PPP2R2B: variants seen among roughly 807,000 people sequenced by gnomAD.
PPP2R2B encodes the protein serine/threonine-protein phosphatase 2A 55 kDa regulatory subunit B beta isoform.
A neutral mutation model predicts 46.0 loss-of-function variants in PPP2R2B; 5 were observed. The ratio of observed to expected loss-of-function variants is 0.11; its 90% CI spans 0.06 to 0.23. The LOEUF is 0.23. Ranked by LOEUF, PPP2R2B falls within the 10% of genes least tolerant of loss-of-function variation. The probability of loss-of-function intolerance (pLI) is 1.00; values close to 1 mark genes in which losing one functional copy is unlikely to be tolerated. For synonymous variants in PPP2R2B, 215 were observed against 206.7 expected (o/e 1.04, Z -0.34); for missense variants, 367 against 575.0 (o/e 0.64, Z 3.70).
intron 8 of PPP2R2B, 51 bp downstream of exon 8, chr5:146,600,240 A>G: frequency 1.3e-6 from 2 of 1,572,662 alleles, no homozygotes. Context: ...CTGACTTAAA[A>G]GCTCATGAAG....
chr5:146,667,506 G>A (rs1400247769), intron 5 of PPP2R2B, among the ~76,000 whole-genome samples: 4 of 152,028 alleles, frequency 2.6e-5, no homozygotes, highest in Admixed American at 2.6e-4. Context: ...GAAGAAAGCA[G>A]GGAGGTGAAG....
At chr5:146,917,629 A>C (rs950597479) in intron 1 of PPP2R2B, among the ~76,000 whole-genome samples, 1 of 152,224 alleles carries the variant, frequency 6.6e-6, no homozygotes, top group African/African-American at 2.4e-5. Flanking sequence ...TTTTATAAAT[A>C]AGGTGGGTTA....
At chr5:146,819,111 C>T (rs1758104794) in intron 2 of PPP2R2B, among the ~76,000 whole-genome samples, 1 of 152,202 alleles carries the variant, frequency 6.6e-6, no homozygotes, top group Non-Finnish European at 1.5e-5. Flanking sequence ...AGCTCTAATT[C>T]TTTCTCTTGC....
At chr5:146,660,273 T>A (rs1776594881) in intron 5 of PPP2R2B, among the ~76,000 whole-genome samples, 1 of 152,178 alleles carries the variant, frequency 6.6e-6, no homozygotes, top group Non-Finnish European at 1.5e-5. Context: ...TACTTTTCAT[T>A]TTCAGTAGGA....
At chr5:147,022,982 A>G in intron 1 of PPP2R2B, among the ~76,000 whole-genome samples, 1 of 152,188 alleles carries the variant, frequency 6.6e-6, no homozygotes, top group East Asian at 1.9e-4. Flanking sequence ...AGAATGAGGA[A>G]TAAAGGAATG....
intron 7 of PPP2R2B, among the ~76,000 whole-genome samples, chr5:146,637,315 G>C (rs954677337): frequency 2.6e-5 from 4 of 152,184 alleles, no homozygotes; most frequent in African/African-American, 9.6e-5. Context: ...ACAGTGTCTG[G>C]AGACATTTTT....
At chr5:146,821,960 C>T (rs188402555) in intron 2 of PPP2R2B, among the ~76,000 whole-genome samples, 2 of 152,206 alleles carry the variant, frequency 1.3e-5, no homozygotes, top group Non-Finnish European at 1.5e-5. Context: ...ACGTAAGTAA[C>T]TGTGTTCAGA....
intron 2 of PPP2R2B, among the ~76,000 whole-genome samples, chr5:147,079,434 T>TTATATA (rs1260007870): frequency 2.1e-4 from 17 of 80,972 alleles, no homozygotes; most frequent in African/African-American, 5.1e-4. Context: ...CACACACATT[T>TTATATA]TATATATATA....
chr5:146,853,754 A>G (rs1275256388), intron 2 of PPP2R2B, among the ~76,000 whole-genome samples: 4 of 152,156 alleles, frequency 2.6e-5, no homozygotes, highest in Admixed American at 1.3e-4. Flanking sequence ...TCTACGATAG[A>G]CTTTTTCCTG....
At chr5:146,698,320 ATATATATATATATATAT>A (rs1779323521) in intron 3 of PPP2R2B, among the ~76,000 whole-genome samples, 176 bp from the exon 4 acceptor site, 2 of 71,606 alleles carry the variant, frequency 2.8e-5, no homozygotes, top group African/African-American at 6.4e-5. Context: ...AAAAAAAAAT[ATATATATATATATATAT>A]ATATATATAT....
intron 8 of PPP2R2B, among the ~76,000 whole-genome samples, chr5:146,594,786 G>C (rs926681321): frequency 1.3e-5 from 2 of 152,210 alleles, no homozygotes; most frequent in Non-Finnish European, 2.9e-5. Context: ...CTTGACAGGA[G>C]CTGTGATAAT....
At chr5:146,790,665 T>C (rs899346656) in intron 2 of PPP2R2B, among the ~76,000 whole-genome samples, 1 of 152,222 alleles carries the variant, frequency 6.6e-6, no homozygotes, top group Non-Finnish European at 1.5e-5. Context: ...AAGGCAGCAT[T>C]GCCTAATATC....
chr5:146,799,654 AGAG>A (rs1756748002), intron 2 of PPP2R2B, among the ~76,000 whole-genome samples: 1 of 152,262 alleles, frequency 6.6e-6, no homozygotes, highest in African/African-American at 2.4e-5. Context: ...AATCACAGAT[AGAG>A]GAGATCACCA....
intron 2 of PPP2R2B, among the ~76,000 whole-genome samples, chr5:146,855,057 C>T (rs192853047): frequency 6.6e-6 from 1 of 152,042 alleles, no homozygotes; most frequent in African/African-American, 2.4e-5. Flanking sequence ...CCACTCAAAG[C>T]TATTCAGTTT....
chr5:146,821,341 G>A (rs1458725), intron 2 of PPP2R2B, among the ~76,000 whole-genome samples: 25,641 of 151,990 alleles, frequency 0.17, 2,511 homozygotes, highest in African/African-American at 0.27. Flanking sequence ...TTTCTTCACT[G>A]TCATACCACC....
At chr5:146,993,758 A>G (rs1384111442) in intron 1 of PPP2R2B, among the ~76,000 whole-genome samples, 4 of 152,170 alleles carry the variant, frequency 2.6e-5, no homozygotes, top group Admixed American at 2.6e-4. Context: ...TATCATCATC[A>G]TAACTGTCAT....
chr5:146,631,362 C>T (rs987352161), intron 7 of PPP2R2B, among the ~76,000 whole-genome samples: 1 of 152,202 alleles, frequency 6.6e-6, no homozygotes, highest in Non-Finnish European at 1.5e-5. Context: ...ATAGCCTCTG[C>T]TAGTCTTTGT....
chr5:146,865,801 A>T (rs1202667194), intron 2 of PPP2R2B, among the ~76,000 whole-genome samples: 1 of 152,112 alleles, frequency 6.6e-6, no homozygotes, highest in Non-Finnish European at 1.5e-5. Context: ...TTGCCTCCTA[A>T]CATCACACAA....
chr5:146,646,281 G>A (rs1775575115), intron 6 of PPP2R2B, among the ~76,000 whole-genome samples: 1 of 152,088 alleles, frequency 6.6e-6, no homozygotes, highest in Non-Finnish European at 1.5e-5. Context: ...TAAGAACTCA[G>A]GTCAGTTCAT....
Sources: gnomAD v4.1 joint callset for allele counts (sites outside exome capture counted in the v4.1 genomes callset) on GRCh38, gnomAD v4.1.1 for gene constraint, MANE v1.5 for transcripts, NCBI Gene and HGNC (gene_info 2026-07-23, HGNC 2026-07-21) for gene names.